Variants in MALT1 observed in about 807,000 individuals in gnomAD.
The protein encoded by MALT1 is MALT1 paracaspase.
A neutral mutation model predicts 85.5 loss-of-function variants in MALT1; 36 were observed. The ratio of observed to expected loss-of-function variants is 0.42; its 90% CI spans 0.32 to 0.56. The LOEUF (loss-of-function observed/expected upper bound fraction) is 0.56. MALT1 is among the 20% of genes least tolerant of loss of function. The pLI, the probability that MALT1 is intolerant of heterozygous loss-of-function variation, is 0.10. For synonymous variants in MALT1, 359 were observed against 361.3 expected, an observed-to-expected ratio of 0.99 and a Z score of 0.07; for missense variants, 716 against 981.6, an observed-to-expected ratio of 0.73 and a Z score of 3.62.
At chr18:58,738,267 A>AT (rs1187794911) in intron 13 of MALT1, among the ~76,000 whole-genome samples, 3 of 152,110 alleles carry the variant, frequency 2.0e-5, no homozygotes, top group Non-Finnish European at 4.4e-5. Context: ...TTGGGACTAG[A>AT]TTTTTTTGGT....
intron 3 of MALT1, 60 bp downstream of exon 3, chr18:58,696,547 T>A: frequency 7.5e-7 from 1 of 1,339,826 alleles, no homozygotes; most frequent in Non-Finnish European, 1.0e-6. Flanking sequence ...GAGAATTAAT[T>A]AACATTATCG....
At chr18:58,676,072 T>A (rs1490457830) in intron 1 of MALT1, among the ~76,000 whole-genome samples, 1 of 152,228 alleles carries the variant, frequency 6.6e-6, no homozygotes, top group Non-Finnish European at 1.5e-5. Flanking sequence ...TGTCCACTGC[T>A]GGCACGCTGG....
intron 4 of MALT1, among the ~76,000 whole-genome samples, chr18:58,707,593 A>G (rs545959175): frequency 6.6e-6 from 1 of 152,256 alleles, no homozygotes; most frequent in East Asian, 1.9e-4. Flanking sequence ...AGCCCCTGAC[A>G]GGGTTACATT....
chr18:58,692,426 C>G lies in MALT1; in HGVS notation c.377-3940C>G, dbSNP rs1276191752. 4.4e-5 allele frequency among the ~76,000 whole-genome samples: 5 copies of G among 112,610 alleles called. No homozygotes were observed. The East Asian group carries it at 1.4e-3, about 32-fold the overall frequency. 73.9% of individuals were successfully genotyped at this position (112,610 alleles called of 152,430 possible). A position where few individuals can be genotyped will look rare whatever the true frequency, so the allele number is the denominator to read the frequency against. Reference sequence around the variant, plus strand: ...GCCATTCCTCTCTCTCTCTCTCTCTCTCTCTCTCTCACTCTCTCCCTCCCT... The same window carrying G: ...GCCATTCCTCTCTCTCTCTCTCTCTGTCTCTCTCTCACTCTCTCCCTCCCT... On this transcript the variant is annotated intron_variant, in intron 2 of 16. Transcript: ENST00000649217.
At position 58,751,975 on chromosome 18, in the gene MALT1, G is replaced by T. The variant is rs2055452442; in HGVS notation, c.*4133G>T. On this transcript the variant is annotated 3_prime_UTR_variant, in exon 17 of 17. Coordinates refer to ENST00000649217, the MANE Select transcript of MALT1 (RefSeq NM_006785.4). Reference sequence around the variant, plus strand: ...TAAAGAAGAATCCTGGCACAGAAAAGGTCCATTTAGACATTGCCTTCTTCC... The same window carrying T: ...TAAAGAAGAATCCTGGCACAGAAAATGTCCATTTAGACATTGCCTTCTTCC... The T allele has an allele frequency of 2.0e-5, 3 of 152,156 alleles. No individual in the cohort carries two copies. Among genetic ancestry groups the T allele is most frequent in the Non-Finnish European group, 4.4e-5 (3 of 68,016 alleles). The allele number at this position is 152,156 out of a possible 1,614,324, so 9.4% of individuals were successfully genotyped here.
intron 4 of MALT1, among the ~76,000 whole-genome samples, chr18:58,704,954 G>A (rs942801596): frequency 4.0e-5 from 6 of 150,128 alleles, no homozygotes; most frequent in African/African-American, 7.4e-5. Flanking sequence ...CTTGATGTTC[G>A]TTTTCAGTTA....
intron 9 of MALT1, among the ~76,000 whole-genome samples, chr18:58,717,746 C>CAAAAAAAAA (rs35207196): frequency 6.0e-5 from 6 of 100,570 alleles, no homozygotes; most frequent in Non-Finnish European, 4.0e-5. Flanking sequence ...ACTCTTGTCT[C>CAAAAAAAAA]AAAAAAAAAA....
rs187001969 is a variant in MALT1 at position 58,751,953 on chromosome 18, A to G, written c.*4111A>G. 26 of 152,374 alleles carry G rather than the reference A, an allele frequency of 1.7e-4. No homozygotes were observed. Among genetic ancestry groups the G allele is most frequent in the African/African-American group, 6.3e-4 (26 of 41,590 alleles). The allele number at this position is 152,374 out of a possible 1,614,324, so 9.4% of individuals were successfully genotyped here. A position where few individuals can be genotyped will look rare whatever the true frequency, so the allele number is the denominator to read the frequency against. On this transcript the variant is annotated 3_prime_UTR_variant, in exon 17 of 17. Transcript: ENST00000649217. ...ACGTTTCAGAAAAGAAAGCCTTTAA[A>G]GAAGAATCCTGGCACAGAAAAGGTC... is the stretch of plus-strand genomic sequence containing the variant.
intron 3 of MALT1, 96 bp downstream of exon 3, chr18:58,696,583 G>T: frequency 9.7e-7 from 1 of 1,033,990 alleles, no homozygotes; most frequent in Non-Finnish European, 1.3e-6. Flanking sequence ...TAACAGTTTG[G>T]TAAAAGAGTC....
chr18:58,675,543 T>C (rs530334327), intron 1 of MALT1: 1 of 152,328 alleles, frequency 6.6e-6, no homozygotes, highest in African/African-American at 2.4e-5. Flanking sequence ...GCCCAGGAGT[T>C]CGAGGCTGCA....
intron 16 of MALT1, among the ~76,000 whole-genome samples, chr18:58,746,789 G>C (rs1053195847): frequency 6.6e-6 from 1 of 151,732 alleles, no homozygotes; most frequent in South Asian, 2.1e-4. Flanking sequence ...ATGCAGTGGC[G>C]CGATCTCAGC....
chr18:58,690,978 T>TAAAGTTG, intron 2 of MALT1: 1 of 284,922 alleles, frequency 3.5e-6, no homozygotes, highest in Non-Finnish European at 6.9e-6. Context: ...AAGTCTCAGA[T>TAAAGTTG]TCTCAGGCAT....
Position 58,678,249 on chromosome 18 carries a change from AAATG to A in MALT1, c.210-2915_210-2912del, listed in dbSNP as rs2054269967. Among the ~76,000 whole-genome samples the A allele has an allele frequency of 9.2e-5, 14 of 152,330 alleles. No individual in the cohort carries two copies. The South Asian group carries it at 2.9e-3, about 32-fold the overall frequency. ...GACAGCATCTTCATAAGACTACTCA[AAATG>A]AATGAGGATTAATATTTCAAGCAAT... On this transcript the variant is annotated intron_variant, in intron 1 of 16. Coordinates refer to ENST00000649217, the MANE Select transcript of MALT1 (RefSeq NM_006785.4).
chr18:58,723,449 G>A (rs1051479337), intron 10 of MALT1, among the ~76,000 whole-genome samples, 198 bp downstream of exon 10: 2 of 151,230 alleles, frequency 1.3e-5, no homozygotes, highest in Admixed American at 1.3e-4. Flanking sequence ...TTACTTTTAT[G>A]TTTCCTGTTT....
chr18:58,740,188 A>G (rs561694280), intron 13 of MALT1, among the ~76,000 whole-genome samples: 2 of 152,150 alleles, frequency 1.3e-5, no homozygotes, highest in East Asian at 1.9e-4. Flanking sequence ...CCATAGTTAT[A>G]TATCCGTTTT....
rs557086206 is a variant in MALT1 at position 58,739,129 on chromosome 18, A to G, written c.1604-2736A>G. Among the ~76,000 whole-genome samples the G allele has an allele frequency of 3.3e-5, 5 of 152,318 alleles. No homozygotes were observed. In the South Asian group the frequency reaches 1.0e-3, roughly 32 times the overall value. On this transcript the variant is annotated intron_variant, in intron 13 of 16. Coordinates refer to ENST00000649217, the MANE Select transcript of MALT1 (RefSeq NM_006785.4). ...TTTCAATTTCTTAATATGGTGAGTT[A>G]AATTTATAGATAGTCTAACATTAAT...
rs994799429 is a variant in MALT1, at chr18:58,671,710, G to A, written c.67G>A (p.Ala23Thr). 3.1e-6 allele frequency: 4 copies of A among 1,272,080 alleles called. No homozygotes were observed. Among genetic ancestry groups the A allele is most frequent in the African/African-American group, 1.6e-5 (1 of 64,482 alleles). The allele number at this position is 1,272,080 out of a possible 1,614,324, so 78.8% of individuals were successfully genotyped here. ...PSAAPTGPLL[A>T]PPAGATLNRL... ...GGCCGCCCCCACGGGGCCGCTGCTC[G>A]CCCCTCCGGCCGGCGCGACCCTCAA... The change falls in exon 1 of 17, where the codon GCC becomes ACC. Residue 23 changes from alanine (A) to threonine (T), a missense_variant. Ala to Thr is a moderately conservative substitution (Grantham distance 58). Around this residue, in one of 4 missense-constraint regions of MALT1, gnomAD observed 80 missense variants for 65.1 expected, o/e 1.23. Transcript: ENST00000649217.
At chr18:58,702,016 G>C (rs1322982272) in intron 4 of MALT1, among the ~76,000 whole-genome samples, 1 of 151,992 alleles carries the variant, frequency 6.6e-6, no homozygotes, top group Non-Finnish European at 1.5e-5. Flanking sequence ...CAAATTCAAA[G>C]CTACCTAAAA....
intron 2 of MALT1, among the ~76,000 whole-genome samples, chr18:58,685,941 TC>T (rs1287358740): frequency 6.6e-6 from 1 of 152,190 alleles, no homozygotes; most frequent in African/African-American, 2.4e-5. Flanking sequence ...TATTTAAGTT[TC>T]AAAGACTGAT....
Sources: gnomAD v4.1 joint callset for allele counts (sites outside exome capture counted in the v4.1 genomes callset) on GRCh38, gnomAD v4.1.1 for gene constraint, gnomAD v4.1.1 regional missense constraint, MANE v1.5 for transcripts, NCBI Gene and HGNC (gene_info 2026-07-23, HGNC 2026-07-21) for gene names.